MDGA2: variants seen among roughly 807,000 people sequenced by gnomAD.
MDGA2 encodes MAM domain containing glycosylphosphatidylinositol anchor 2, also known as MAM domain-containing glycosylphosphatidylinositol anchor protein 2.
In MDGA2, 40 loss-of-function variants were observed where a neutral mutation model predicts 117.8. The observed-to-expected ratio is 0.34, with a 90% CI of 0.26 to 0.44. MDGA2 has a LOEUF of 0.44. Ranked by LOEUF, MDGA2 falls within the 20% of genes least tolerant of loss-of-function variation. MDGA2 has a pLI of 1.00. For missense variants in MDGA2, 1,123 were observed against 1,250.6 expected, an observed-to-expected ratio of 0.90 and a Z score of 1.54; for synonymous variants, 452 against 439.0, an observed-to-expected ratio of 1.03 and a Z score of -0.37.
At chr14:47,568,705 T>C (rs778001350) in intron 1 of MDGA2, among the ~76,000 whole-genome samples, 5 of 152,218 alleles carry the variant, frequency 3.3e-5, no homozygotes, top group Non-Finnish European at 5.9e-5. Flanking sequence ...CCAATCGTTA[T>C]AGTCTATAAA....
intron 1 of MDGA2, among the ~76,000 whole-genome samples, chr14:47,397,506 C>G (rs1242888447): frequency 6.6e-6 from 1 of 151,688 alleles, no homozygotes. Flanking sequence ...AAAAAAAACC[C>G]AAACAAACAA....
At chr14:47,229,804 T>G (rs1366465581) in intron 2 of MDGA2, among the ~76,000 whole-genome samples, 1 of 152,020 alleles carries the variant, frequency 6.6e-6, no homozygotes, top group Non-Finnish European at 1.5e-5. Flanking sequence ...GATGCTATAA[T>G]GACATACCAT....
chr14:47,127,496 G>A (rs1361146394), intron 5 of MDGA2, among the ~76,000 whole-genome samples: 1 of 152,084 alleles, frequency 6.6e-6, no homozygotes, highest in African/African-American at 2.4e-5. Flanking sequence ...AATGTGTAAA[G>A]TATGAAGCAT....
intron 2 of MDGA2, among the ~76,000 whole-genome samples, chr14:47,291,545 G>T (rs1302382406): frequency 6.6e-6 from 1 of 152,120 alleles, no homozygotes. Context: ...CCTACCAAAT[G>T]TCATAGTGTA....
chr14:47,173,282 T>G (rs1884265463), intron 3 of MDGA2, among the ~76,000 whole-genome samples: 1 of 151,954 alleles, frequency 6.6e-6, no homozygotes, highest in African/African-American at 2.4e-5. Context: ...ACGTTCAGAT[T>G]CAGGAAATAC....
At chr14:47,250,504 G>C (rs1720745450) in intron 2 of MDGA2, among the ~76,000 whole-genome samples, 3 of 152,254 alleles carry the variant, frequency 2.0e-5, no homozygotes, top group Non-Finnish European at 1.5e-5. Context: ...GCCTTTGAGA[G>C]GTTAATTAGG....
intron 1 of MDGA2, among the ~76,000 whole-genome samples, chr14:47,620,534 T>C (rs1038220970): frequency 6.6e-6 from 1 of 152,216 alleles, no homozygotes; most frequent in Non-Finnish European, 1.5e-5. Context: ...CTTCTTCAAA[T>C]ACTGATGAGA....
At chr14:47,289,985 T>C (rs991393782) in intron 2 of MDGA2, among the ~76,000 whole-genome samples, 2 of 152,160 alleles carry the variant, frequency 1.3e-5, no homozygotes, top group African/African-American at 4.8e-5. Flanking sequence ...AACAAATCCT[T>C]ACTTTGCATT....
At chr14:46,894,299 A>AGGC (rs1039656667) in intron 10 of MDGA2, among the ~76,000 whole-genome samples, 9 of 152,208 alleles carry the variant, frequency 5.9e-5, no homozygotes, top group Non-Finnish European at 1.2e-4. Flanking sequence ...TCCAATTTCC[A>AGGC]GGCTACTCTT....
In MDGA2 at chr14:47,097,053, T is replaced by C. The variant is rs772138990; in HGVS notation, c.996A>G (p.Val332=). The change falls in exon 6 of 17, where the codon GTA becomes GTG. Residue 332 remains valine (V), a synonymous_variant. Coordinates refer to ENST00000399232, the MANE Select transcript of MDGA2 (RefSeq NM_001113498.3). The part of the protein sequence containing the change: ...VVNPGEAITL[V]CVTTGGEPAP... ...CAGGCTCTCCTCCTGTTGTAACACA[T>C]ACTAATGTTATGGCCTCTCCAGGAT... The C allele has an allele frequency of 1.9e-6, 3 of 1,613,318 alleles. No homozygotes were observed. Among genetic ancestry groups the C allele is most frequent in the Admixed American group, 1.7e-5 (1 of 59,936 alleles).
chr14:46,917,706 C>G (rs754237252), intron 10 of MDGA2, among the ~76,000 whole-genome samples: 15 of 152,086 alleles, frequency 9.9e-5, no homozygotes, highest in Non-Finnish European at 1.6e-4. Context: ...AAATGTGTGT[C>G]ACTGCGTATC....
At chr14:47,512,816 A>C (rs879373506) in intron 1 of MDGA2, among the ~76,000 whole-genome samples, 9 of 152,086 alleles carry the variant, frequency 5.9e-5, no homozygotes, top group Non-Finnish European at 1.3e-4. Context: ...AATAGGTCCC[A>C]TGTTTTATCA....
chr14:47,271,835 T>G (rs1277727519), intron 2 of MDGA2, among the ~76,000 whole-genome samples: 2 of 152,196 alleles, frequency 1.3e-5, no homozygotes, highest in African/African-American at 4.8e-5. Flanking sequence ...ATAATTTTCT[T>G]TCTCAATTGT....
At chr14:47,023,342 A>G (rs957987170) in intron 8 of MDGA2, among the ~76,000 whole-genome samples, 2 of 152,114 alleles carry the variant, frequency 1.3e-5, no homozygotes, top group Admixed American at 6.6e-5. Flanking sequence ...GACCTTTGAA[A>G]AAGCGCTGGA....
intron 1 of MDGA2, among the ~76,000 whole-genome samples, chr14:47,531,006 G>T (rs1034149746): frequency 1.3e-5 from 2 of 152,092 alleles, no homozygotes; most frequent in African/African-American, 2.4e-5. Flanking sequence ...AGCACTTTGG[G>T]AGGCCGAGGT....
chr14:46,993,813 C>A (rs1260994890), intron 8 of MDGA2, among the ~76,000 whole-genome samples: 7 of 152,086 alleles, frequency 4.6e-5, no homozygotes, highest in African/African-American at 1.4e-4. Context: ...TTTATTTAAT[C>A]TTTCTGCTTT....
chr14:46,916,592 C>A (rs74044917), intron 10 of MDGA2, among the ~76,000 whole-genome samples: 5,676 of 152,024 alleles, frequency 0.037, 352 homozygotes, highest in African/African-American at 0.13. Flanking sequence ...TTGCTGGGGC[C>A]ATTTTGCATG....
At chr14:47,232,625 T>C (rs1267823576) in intron 2 of MDGA2, among the ~76,000 whole-genome samples, 1 of 152,060 alleles carries the variant, frequency 6.6e-6, no homozygotes, top group Admixed American at 6.6e-5. Flanking sequence ...AGTACTACTA[T>C]GCCACCTCTA....
chr14:47,499,799 C>T (rs755684665), intron 1 of MDGA2, among the ~76,000 whole-genome samples: 3 of 152,140 alleles, frequency 2.0e-5, no homozygotes, highest in Admixed American at 6.5e-5. Flanking sequence ...CGATTCCATG[C>T]TTGAGAATTT....
Sources: allele counts gnomAD v4.1 joint callset (sites outside exome capture counted in the v4.1 genomes callset), GRCh38; gene constraint gnomAD v4.1.1; transcripts MANE v1.5; gene names NCBI Gene and HGNC (gene_info 2026-07-23, HGNC 2026-07-21).